Variants in CAMTA2 observed in about 807,000 individuals in gnomAD.
The protein encoded by CAMTA2 is calmodulin binding transcription activator 2, also known as calmodulin-binding transcription activator 2.
CAMTA2 carries 56 observed loss-of-function variants against 135.7 expected under a neutral mutation model. The ratio of observed to expected loss-of-function variants is 0.41; its 90% CI spans 0.33 to 0.52. The LOEUF is 0.52. Among genes scored for constraint, CAMTA2 ranks in the 20% least tolerant of loss-of-function variants. CAMTA2 has a pLI of 0.16. For synonymous variants in CAMTA2, 591 were observed against 604.6 expected (o/e 0.98, Z 0.33); for missense variants, 1,358 against 1,553.4 (o/e 0.87, Z 2.11).
chr17:4,984,971 C>T (rs1405838955), intron 3 of CAMTA2, among the ~76,000 whole-genome samples: 1 of 149,968 alleles, frequency 6.7e-6, no homozygotes, highest in Admixed American at 6.7e-5. Flanking sequence ...GAGCCGAGAT[C>T]GCGCCACTGC....
chr17:4,975,862 G>A (rs1972579157), intron 11 of CAMTA2, among the ~76,000 whole-genome samples: 1 of 137,206 alleles, frequency 7.3e-6, no homozygotes, highest in Admixed American at 7.8e-5. Context: ...ACAAGAGAGA[G>A]AACCAGTAAC....
rs765389294 is a variant in CAMTA2, at chr17:4,973,657, C to T, written c.2129G>A (p.Arg710Gln). 15 of 1,614,120 alleles carry T rather than the reference C, an allele frequency of 9.3e-6. No individual in the cohort carries two copies. The East Asian group carries it at 1.1e-4, about 12-fold the overall frequency. ...PERLAHGSPFRGMSLLHLAAA... is the reference protein window; with the variant it reads ...PERLAHGSPFQGMSLLHLAAA... ...AGCCAGGTGCAGAAGGCTCATGCCC[C>T]GGAAGGGGCTTCCATGGGCCAGACG... The change falls in exon 13 of 23, where the codon CGG (arginine) becomes CAG (glutamine). Residue 710 changes from arginine to glutamine, a missense_variant. Arg to Gln is a conservative substitution (Grantham distance 43, BLOSUM62 1). Transcript: ENST00000348066.
chr17:4,969,134 TG>T lies in CAMTA2; in HGVS notation c.3470+15del. 1 of 1,600,092 alleles carries T rather than the reference TG, an allele frequency of 6.2e-7. No homozygotes were observed. ...GATGCAGTGGGTGGGCACAGAGGGCTGGGGCTGGGCCCTACTTGTTGCGGGC... is the reference window on the plus strand; with the variant it reads ...GATGCAGTGGGTGGGCACAGAGGGCTGGGCTGGGCCCTACTTGTTGCGGGC... On this transcript the variant is annotated intron_variant, in intron 21 of 22. Coordinates refer to ENST00000348066, the MANE Select transcript of CAMTA2 (RefSeq NM_015099.4). This position sits in a 1 kb window ranked among gnomAD's most constrained non-coding sequence, Gnocchi z 5.6.
At position 4,972,812 on chromosome 17, in the gene CAMTA2, C is replaced by A. The variant is rs1364524251; in HGVS notation, c.2460G>T (p.Glu820Asp). The A allele has an allele frequency of 1.2e-6, 2 of 1,613,914 alleles. No individual in the cohort carries two copies. The highest frequency in any genetic ancestry group is 1.7e-6 in the Non-Finnish European group (2 of 1,180,036). ...AGGGTGGCGATAGGGCAAATGGGGGCTCCACCGAAGGCTCCTGTCTCTGTA... is the reference window on the plus strand; with the variant it reads ...AGGGTGGCGATAGGGCAAATGGGGGATCCACCGAAGGCTCCTGTCTCTGTA... ...EELQRQEPSV[E>D]PPFALSPPSS... Residue 820 changes from glutamate to aspartate, a missense_variant, in exon 15 of 23, where the codon GAG (glutamate) becomes GAT (aspartate). Glu to Asp is a conservative substitution (Grantham distance 45). Transcript: ENST00000348066.
Position 4,980,755 on chromosome 17 carries a change from G to A in CAMTA2, c.701-134C>T. 1 of 686,062 alleles carries A rather than the reference G, an allele frequency of 1.5e-6. No individual in the cohort carries two copies. The highest frequency in any genetic ancestry group is 1.8e-5 in the South Asian group (1 of 55,544). 42.5% of individuals were successfully genotyped at this position (686,062 alleles called of 1,614,324 possible). On this transcript the variant is annotated intron_variant, in intron 8 of 22. Transcript: ENST00000348066. This position sits in a 1 kb window ranked among gnomAD's most constrained non-coding sequence, Gnocchi z 5.3. ...GTGTAATACTGATTGTAGCCACTGG[G>A]AGGCATCAGAAATGTCTGTTCTCTA...
At position 4,979,913 on chromosome 17, in the gene CAMTA2, G is replaced by A. The variant is rs745311750; in HGVS notation, c.1409C>T (p.Pro470Leu). ...CGGCTCCAAGGGGGCAGGTGAGGGT[G>A]GGGGTGAGGGAGGGGGTGAAGGTAT... ...PPIPSPPPSP[P>L]PSPAPLEPSS... The change falls in exon 9 of 23, where the codon CCA (proline) becomes CTA (leucine). Residue 470 changes from proline to leucine, a missense_variant. Coordinates refer to ENST00000348066, the MANE Select transcript of CAMTA2 (RefSeq NM_015099.4). 6.2e-7 allele frequency: 1 copy of A among 1,612,022 alleles called. No individual in the cohort carries two copies. Among genetic ancestry groups the A allele is most frequent in the Non-Finnish European group, 8.5e-7 (1 of 1,178,548 alleles).
At position 4,969,994 on chromosome 17, in the gene CAMTA2, T is replaced by C; in HGVS notation, c.3097A>G (p.Ser1033Gly). Residue 1033 changes from serine to glycine, a missense_variant, in exon 18 of 23, where the codon AGT (serine) becomes GGT (glycine). Coordinates refer to ENST00000348066, the MANE Select transcript of CAMTA2 (RefSeq NM_015099.4). The surrounding 1 kb of genome is among the most constrained non-coding windows in gnomAD (Gnocchi z 5.6). ...GATAGTGTCAGCAGGGCAAAATCACTTTCCATCTTGCCACTGGTGGATGCA... is the reference window on the plus strand; with the variant it reads ...GATAGTGTCAGCAGGGCAAAATCACCTTCCATCTTGCCACTGGTGGATGCA... ...LSASTSGKME[S>G]DFALLTLSDH... is the part of the protein sequence containing the mutation. 1 of 1,614,136 alleles carries C rather than the reference T, an allele frequency of 6.2e-7. No homozygotes were observed. Among genetic ancestry groups the C allele is most frequent in the Non-Finnish European group, 8.5e-7 (1 of 1,180,006 alleles).
At position 4,987,131 on chromosome 17, in the gene CAMTA2, GC is replaced by G. The variant is rs980701213; in HGVS notation, c.-65+461del. On this transcript the variant is annotated intron_variant, in intron 1 of 22. Transcript: ENST00000348066. ...GTTGGGGTAAGGACTCCGCCCCAGG[GC>G]GCAGGTGCGCAGTCCTGGCTAGGCA... is the stretch of plus-strand genomic sequence containing the variant. 10 of 1,360,734 alleles carry G rather than the reference GC, an allele frequency of 7.3e-6. No individual in the cohort carries two copies. The Admixed American group carries it at 1.1e-4, about 15-fold the overall frequency. 84.3% of individuals were successfully genotyped at this position (1,360,734 alleles called of 1,614,324 possible).
At chr17:4,983,454 G>C (rs1442516697) in intron 3 of CAMTA2, among the ~76,000 whole-genome samples, 1 of 151,088 alleles carries the variant, frequency 6.6e-6, no homozygotes, top group Non-Finnish European at 1.5e-5. Flanking sequence ...GGGTAATTTT[G>C]TATTTTTTTT....
intron 3 of CAMTA2, among the ~76,000 whole-genome samples, chr17:4,983,484 C>T (rs1266239990): frequency 6.6e-6 from 1 of 151,926 alleles, no homozygotes; most frequent in Non-Finnish European, 1.5e-5. Context: ...AGGATTTCAC[C>T]ATGTTGGTAA....
chr17:4,984,972 G>A (rs886288428), intron 3 of CAMTA2, among the ~76,000 whole-genome samples: 11 of 150,632 alleles, frequency 7.3e-5, no homozygotes, highest in Admixed American at 2.0e-4. Flanking sequence ...AGCCGAGATC[G>A]CGCCACTGCA....
chr17:4,976,575 C>T (rs1567690517), intron 11 of CAMTA2, among the ~76,000 whole-genome samples: 1 of 151,996 alleles, frequency 6.6e-6, no homozygotes, highest in Admixed American at 6.6e-5. Flanking sequence ...GTGGCAGGCA[C>T]CTGTAATCCC....
rs1972053197 is a variant in CAMTA2 at position 4,968,615 on chromosome 17, A to G, written c.*141T>C. On this transcript the variant is annotated 3_prime_UTR_variant, in exon 23 of 23. Transcript: ENST00000348066. ...AGGGGTGTGGGAGCAAGGCGTGGGG[A>G]GGAGGGAGGAGGCCTACAGAGGGCT... 5 of 816,686 alleles carry G rather than the reference A, an allele frequency of 6.1e-6. No individual in the cohort carries two copies. The Admixed American group carries it at 8.5e-5, about 14-fold the overall frequency. The allele number at this position is 816,686 out of a possible 1,614,324, so 50.6% of individuals were successfully genotyped here.
In CAMTA2 at chr17:4,973,590, C is replaced by A; in HGVS notation, c.2196G>T (p.Gln732His). The change falls in exon 13 of 23, where the codon CAG becomes CAT. Residue 732 changes from glutamine to histidine, a missense_variant. Around this residue, in one of 4 missense-constraint regions of CAMTA2, gnomAD observed 1,077 missense variants for 1,127.5 expected, o/e 0.96. Transcript: ENST00000348066. ...GYARLIETLS[Q>H]WRSVETGSLD... ...ACCCAGCTGCCCTTGCTCACCGCCA[C>A]TGGCTCAGGGTCTCGATGAGGCGGG... The A allele has an allele frequency of 3.1e-6, 5 of 1,612,224 alleles. No individual in the cohort carries two copies. The highest frequency in any genetic ancestry group is 2.7e-5 in the African/African-American group (2 of 75,052).
rs553640606 is a variant in CAMTA2, at chr17:4,973,086, C to G, written c.2280+89G>C. The G allele has an allele frequency of 3.7e-5, 55 of 1,505,810 alleles. No individual in the cohort carries two copies. The African/African-American group carries it at 7.2e-4, about 20-fold the overall frequency. The allele number at this position is 1,505,810 out of a possible 1,614,324, so 93.3% of individuals were successfully genotyped here. The stretch of plus-strand genomic sequence containing the variant: ...CAGGTCTTCAGGCCCCAGCCCACCC[C>G]ACTCCCTGCATTCCTCAGGATCTTC... On this transcript the variant is annotated intron_variant, in intron 14 of 22. Coordinates refer to ENST00000348066, the MANE Select transcript of CAMTA2 (RefSeq NM_015099.4).
In CAMTA2 at chr17:4,981,752, C is replaced by T; in HGVS notation, c.491G>A (p.Cys164Tyr). Residue 164 changes from cysteine (C) to tyrosine (Y), a missense_variant, in exon 7 of 23, where the codon TGT becomes TAT. Around this residue, in one of 4 missense-constraint regions of CAMTA2, gnomAD observed 1,077 missense variants for 1,127.5 expected, o/e 0.96. Transcript: ENST00000348066. Reference protein sequence around the residue: ...DCGKGCSPIFCSISSDRREWL... With the variant: ...DCGKGCSPIFYSISSDRREWL... The stretch of plus-strand genomic sequence containing the variant: ...CTCTCGACGGTCGCTGCTGATGGAA[C>T]AAAAGATGGGGCTGCAGCCCTTTCC... The T allele has an allele frequency of 1.2e-6, 2 of 1,613,724 alleles. No individual in the cohort carries two copies. The highest frequency in any genetic ancestry group is 2.2e-5 in the South Asian group (2 of 91,044).
rs749811790 is a variant in CAMTA2, at chr17:4,979,647, TAGGAGGG to T, written c.1638+30_1638+36del. Reference sequence around the variant, plus strand: ...TTGTTTTGGGGAGTCAGAAGACAAATAGGAGGGAGGAGGGAGGAGGTAAGCCTGAGTC... The same window carrying T: ...TTGTTTTGGGGAGTCAGAAGACAAATAGGAGGGAGGAGGTAAGCCTGAGTC... On this transcript the variant is annotated intron_variant, in intron 9 of 22. Transcript: ENST00000348066. 12 of 1,435,696 alleles carry T rather than the reference TAGGAGGG, an allele frequency of 8.4e-6. No homozygotes were observed. In the East Asian group the frequency reaches 2.5e-4, roughly 30 times the overall value. The allele number at this position is 1,435,696 out of a possible 1,614,324, so 88.9% of individuals were successfully genotyped here.
At position 4,980,331 on chromosome 17, in the gene CAMTA2, G is replaced by A. The variant is rs1972880542; in HGVS notation, c.991C>T (p.Leu331=). 6.2e-7 allele frequency: 1 copy of A among 1,613,882 alleles called. No individual in the cohort carries two copies. The highest frequency in any genetic ancestry group is 1.7e-5 in the Admixed American group (1 of 59,986). Reference sequence around the variant, plus strand: ...GTCAAGCCTCCAGCCCGCTGCTCCAGTCCTGTCAGGAGGAGGATAGCAGTG... The same window carrying A: ...GTCAAGCCTCCAGCCCGCTGCTCCAATCCTGTCAGGAGGAGGATAGCAGTG... ...GGTAILLLTG[L]EQRAGGLTPT... is the part of the protein sequence containing the mutation. Residue 331 remains leucine (L), a synonymous_variant, in exon 9 of 23, where the codon CTG becomes TTG. Coordinates refer to ENST00000348066, the MANE Select transcript of CAMTA2 (RefSeq NM_015099.4). The surrounding 1 kb of genome is among the most constrained non-coding windows in gnomAD (Gnocchi z 5.3).
In CAMTA2 at chr17:4,987,674, C is replaced by T. The variant is rs1373548726; in HGVS notation, c.-146G>A. ...CCCCAGCGCCGGCTGACAGCGGCGT[C>T]TAACGTCACTGCGCACGGGGCGGGG... On this transcript the variant is annotated 5_prime_UTR_variant, in exon 1 of 23. Coordinates refer to ENST00000348066, the MANE Select transcript of CAMTA2 (RefSeq NM_015099.4). 6.6e-7 allele frequency: 1 copy of T among 1,507,546 alleles called. No individual in the cohort carries two copies. Among genetic ancestry groups the T allele is most frequent in the Admixed American group, 2.0e-5 (1 of 49,108 alleles). 93.4% of individuals were successfully genotyped at this position (1,507,546 alleles called of 1,614,324 possible).
Sources: allele counts gnomAD v4.1 joint callset (sites outside exome capture counted in the v4.1 genomes callset), GRCh38; gene constraint gnomAD v4.1.1; regional missense constraint gnomAD v4.1.1; non-coding constraint Gnocchi (gnomAD v3.1); transcripts MANE v1.5; gene names NCBI Gene and HGNC (gene_info 2026-07-23, HGNC 2026-07-21).